Variants in NXPE4 observed in about 807,000 individuals in gnomAD.
NXPE4 encodes NXPE family member 4.
NXPE4 carries 42 observed loss-of-function variants against 33.3 expected under a neutral mutation model. The ratio of observed to expected loss-of-function variants is 1.26; its 90% CI spans 0.98 to 1.63. The LOEUF is 1.63. Among genes scored for constraint, NXPE4 ranks in the 40% most tolerant of loss-of-function variants. NXPE4 has a pLI of 0.00. For missense variants in NXPE4, 709 were observed against 647.6 expected (o/e 1.09, Z -1.03); for synonymous variants, 253 against 234.9 (o/e 1.08, Z -0.71).
chr11:114,585,844 G>A (rs948747685), intron 2 of NXPE4, among the ~76,000 whole-genome samples: 4 of 152,118 alleles, frequency 2.6e-5, no homozygotes, highest in African/African-American at 9.7e-5. Flanking sequence ...GTGAATGCTG[G>A]CGGCTGTGTC....
the NXPE4 span, among the ~76,000 whole-genome samples, chr11:114,639,799 TAAATATAAAATAATATA>T: frequency 4.1e-5 from 5 of 122,686 alleles, no homozygotes; most frequent in Non-Finnish European, 7.9e-5. Context: ...TATATTATAT[TAAATATAAAATAATATA>T]AAATATAATA....
At chr11:114,621,577 C>T in the NXPE4 span, among the ~76,000 whole-genome samples, 1 of 152,080 alleles carries the variant, frequency 6.6e-6, no homozygotes, top group African/African-American at 2.4e-5. Flanking sequence ...CCACTGTTAC[C>T]TGTTGGATAA....
At chr11:114,660,610 T>C in the NXPE4 span, among the ~76,000 whole-genome samples, 2 of 152,206 alleles carry the variant, frequency 1.3e-5, no homozygotes, top group South Asian at 4.1e-4. Context: ...AAAGGAGTTT[T>C]CTTAACTCGA....
At chr11:114,657,304 T>G in the NXPE4 span, among the ~76,000 whole-genome samples, 1 of 152,134 alleles carries the variant, frequency 6.6e-6, no homozygotes, top group African/African-American at 2.4e-5. Flanking sequence ...GAGATCTCGA[T>G]ATAGAATTTA....
chr11:114,631,839 C>A, the NXPE4 span, among the ~76,000 whole-genome samples: 1 of 150,150 alleles, frequency 6.7e-6, no homozygotes, highest in Non-Finnish European at 1.5e-5. Context: ...CGATGTTACC[C>A]GGTGGATAAT....
the NXPE4 span, among the ~76,000 whole-genome samples, chr11:114,632,729 TAA>T: frequency 2.0e-5 from 1 of 49,278 alleles, no homozygotes; most frequent in Non-Finnish European, 3.4e-5. Context: ...ATATAATATA[TAA>T]TATATATAAA....
the NXPE4 span, among the ~76,000 whole-genome samples, chr11:114,643,184 A>C: frequency 6.6e-6 from 1 of 151,960 alleles, no homozygotes; most frequent in East Asian, 1.9e-4. Flanking sequence ...AGATTGCAAA[A>C]ATTTTCTCCC....
At chr11:114,670,795 T>C in the NXPE4 span, among the ~76,000 whole-genome samples, 1 of 151,840 alleles carries the variant, frequency 6.6e-6, no homozygotes, top group African/African-American at 2.4e-5. Context: ...ATCTGAAATA[T>C]TCAGTTTTCA....
chr11:114,605,165 G>C, the NXPE4 span, among the ~76,000 whole-genome samples: 2 of 151,646 alleles, frequency 1.3e-5, no homozygotes, highest in African/African-American at 4.9e-5. Context: ...GGGATAATAA[G>C]TGTTGCCTTG....
chr11:114,621,450 C>T, the NXPE4 span, among the ~76,000 whole-genome samples: 2 of 150,836 alleles, frequency 1.3e-5, no homozygotes, highest in Non-Finnish European at 3.0e-5. Context: ...ATCACTGTTA[C>T]CCAGTGGATA....
intron 5 of NXPE4, 95 bp downstream of exon 5, chr11:114,580,037 A>G: frequency 5.4e-6 from 6 of 1,106,310 alleles, no homozygotes; most frequent in Non-Finnish European, 8.1e-6. Context: ...GAAGAATATG[A>G]AAAAAAGAGG....
the NXPE4 span, among the ~76,000 whole-genome samples, chr11:114,646,022 CTT>C: frequency 6.6e-6 from 1 of 152,044 alleles, no homozygotes; most frequent in Non-Finnish European, 1.5e-5. Flanking sequence ...AGAAAAATCT[CTT>C]GATTTTGCTA....
the NXPE4 span, among the ~76,000 whole-genome samples, chr11:114,631,678 A>T: frequency 1.3e-5 from 2 of 151,408 alleles, no homozygotes; most frequent in African/African-American, 4.8e-5. Context: ...TATATATATA[A>T]AAAAAGTATT....
chr11:114,640,136 TATATA>T, the NXPE4 span, among the ~76,000 whole-genome samples: 4 of 115,952 alleles, frequency 3.4e-5, no homozygotes, highest in Non-Finnish European at 6.5e-5. Flanking sequence ...TAATATATTA[TATATA>T]ATATATGATA....
chr11:114,584,729 G>A (rs1949249803), intron 2 of NXPE4: 1 of 152,862 alleles, frequency 6.5e-6, no homozygotes, highest in South Asian at 2.1e-4. Flanking sequence ...TTCCTGCCTA[G>A]TCCCCAATCT....
chr11:114,651,343 C>G, the NXPE4 span, among the ~76,000 whole-genome samples: 1 of 151,514 alleles, frequency 6.6e-6, no homozygotes, highest in Non-Finnish European at 1.5e-5. Flanking sequence ...TAAGGTGGCA[C>G]GTCCGGAGTT....
the NXPE4 span, among the ~76,000 whole-genome samples, chr11:114,639,145 G>T: frequency 2.6e-5 from 4 of 152,064 alleles, no homozygotes; most frequent in Non-Finnish European, 5.9e-5. Flanking sequence ...CGGCTGCTTT[G>T]TTTACCTAAG....
the NXPE4 span, among the ~76,000 whole-genome samples, chr11:114,664,024 A>G: frequency 4.6e-5 from 7 of 152,196 alleles, no homozygotes; most frequent in African/African-American, 1.2e-4. Context: ...CCACACAGCA[A>G]TGCCACACCA....
the NXPE4 span, among the ~76,000 whole-genome samples, chr11:114,677,967 A>G: frequency 1.3e-5 from 2 of 152,072 alleles, no homozygotes; most frequent in African/African-American, 2.4e-5. Context: ...ACCTTGTTAC[A>G]TATTCAAGTT....
Sources: allele counts gnomAD v4.1 joint callset (sites outside exome capture counted in the v4.1 genomes callset), GRCh38; gene constraint gnomAD v4.1.1; transcripts MANE v1.5; gene names NCBI Gene and HGNC (gene_info 2026-07-23, HGNC 2026-07-21).